SNTG2: variants seen among roughly 807,000 people sequenced by gnomAD.
The protein encoded by SNTG2 is gamma-2-syntrophin.
Under a neutral mutation model 70.9 loss-of-function variants are expected in SNTG2, and 74 were observed. That is an observed-to-expected ratio of 1.04 (90% CI 0.86 to 1.27). The LOEUF (loss-of-function observed/expected upper bound fraction) is 1.27. Ranked by LOEUF, SNTG2 falls within the 50% of genes most tolerant of loss-of-function variation. The pLI is 0.00. For synonymous variants in SNTG2, 278 were observed against 273.8 expected (o/e 1.02, Z -0.15); for missense variants, 717 against 690.7 (o/e 1.04, Z -0.43).
chr2:960,885 C>T (rs1473242514), intron 1 of SNTG2, among the ~76,000 whole-genome samples: 2 of 152,206 alleles, frequency 1.3e-5, no homozygotes, highest in Non-Finnish European at 1.5e-5. Context: ...CTACTGCCTG[C>T]TCATGGTCTT....
At chr2:1,126,555 A>G (rs992510741) in intron 4 of SNTG2, among the ~76,000 whole-genome samples, 2 of 152,188 alleles carry the variant, frequency 1.3e-5, no homozygotes, top group African/African-American at 4.8e-5. Flanking sequence ...GAGAAAGCCC[A>G]TATTTTTCAT....
chr2:1,188,180 G>A (rs1672362310), intron 8 of SNTG2, among the ~76,000 whole-genome samples: 1 of 152,194 alleles, frequency 6.6e-6, no homozygotes. Flanking sequence ...AGTACATTCT[G>A]AAGTGCTCAT....
At chr2:1,163,407 G>A (rs913814529) in intron 6 of SNTG2, 1 of 151,498 alleles carries the variant, frequency 6.6e-6, no homozygotes, top group Admixed American at 6.6e-5. Flanking sequence ...TAGGAAGCGG[G>A]CCTGTGAAGC....
At chr2:1,045,289 CTTAT>C (rs757450207) in intron 1 of SNTG2, among the ~76,000 whole-genome samples, 12 of 151,510 alleles carry the variant, frequency 7.9e-5, no homozygotes, top group Non-Finnish European at 1.3e-4. Context: ...CTCTTACTTC[CTTAT>C]TTGTCTATCT....
intron 14 of SNTG2, among the ~76,000 whole-genome samples, chr2:1,290,892 T>A (rs1012442047): frequency 6.6e-6 from 1 of 152,238 alleles, no homozygotes; most frequent in Non-Finnish European, 1.5e-5. Context: ...GGCAGTTCAA[T>A]TTTTAAATTA....
At chr2:1,100,964 C>T (rs1665748769) in intron 4 of SNTG2, among the ~76,000 whole-genome samples, 1 of 152,140 alleles carries the variant, frequency 6.6e-6, no homozygotes, top group South Asian at 2.1e-4. Context: ...GTGTGCCCTC[C>T]CGAGCCTCAT....
At chr2:1,219,670 TAGAA>T (rs1674623299) in intron 9 of SNTG2, among the ~76,000 whole-genome samples, 1 of 124,442 alleles carries the variant, frequency 8.0e-6, no homozygotes, top group South Asian at 2.4e-4. Context: ...TTCTAAAACA[TAGAA>T]GGAAAGAAAG....
chr2:963,264 T>C (rs1312015703), intron 1 of SNTG2, among the ~76,000 whole-genome samples: 1 of 151,956 alleles, frequency 6.6e-6, no homozygotes, highest in African/African-American at 2.4e-5. Context: ...ACGTAAAAAT[T>C]GAAATGGAAT....
chr2:1,224,840 A>G (rs1348556073), intron 9 of SNTG2, among the ~76,000 whole-genome samples: 12 of 152,214 alleles, frequency 7.9e-5, no homozygotes, highest in South Asian at 2.1e-4. Flanking sequence ...CCCAGGAGAA[A>G]GAATGGAAGC....
At chr2:1,243,578 A>G (rs1185965862) in intron 11 of SNTG2, among the ~76,000 whole-genome samples, 6 of 152,214 alleles carry the variant, frequency 3.9e-5, no homozygotes, top group Admixed American at 3.3e-4. Flanking sequence ...TCTACCTGTA[A>G]TGTAAATCAA....
intron 8 of SNTG2, among the ~76,000 whole-genome samples, chr2:1,201,569 G>A (rs1487452856): frequency 6.6e-6 from 1 of 151,486 alleles, no homozygotes; most frequent in Non-Finnish European, 1.5e-5. Flanking sequence ...GGCTTATGGA[G>A]GAATATGCAT....
intron 9 of SNTG2, among the ~76,000 whole-genome samples, chr2:1,222,518 C>A (rs1675353043): frequency 7.8e-6 from 1 of 127,704 alleles, no homozygotes; most frequent in Non-Finnish European, 1.7e-5. Context: ...GTCTCCCTGT[C>A]CTGCCTGCTG....
intron 13 of SNTG2, among the ~76,000 whole-genome samples, chr2:1,259,934 C>T (rs981076597): frequency 1.3e-5 from 2 of 152,202 alleles, no homozygotes; most frequent in Non-Finnish European, 2.9e-5. Flanking sequence ...TGCAGCAGGG[C>T]CCTAGCCCAG....
At chr2:1,289,829 C>T (rs953438545) in intron 14 of SNTG2, among the ~76,000 whole-genome samples, 4 of 152,192 alleles carry the variant, frequency 2.6e-5, no homozygotes, top group African/African-American at 9.6e-5. Flanking sequence ...CACTATTCCA[C>T]TCCCCGTCTC....
intron 1 of SNTG2, among the ~76,000 whole-genome samples, chr2:1,020,079 G>A (rs916970970): frequency 1.3e-5 from 2 of 152,052 alleles, no homozygotes; most frequent in Admixed American, 1.3e-4. Flanking sequence ...AAACACTATG[G>A]GCCACTGACA....
At chr2:957,216 G>A (rs904392392) in intron 1 of SNTG2, among the ~76,000 whole-genome samples, 2 of 152,092 alleles carry the variant, frequency 1.3e-5, no homozygotes, top group African/African-American at 4.8e-5. Flanking sequence ...AGAAATCCAA[G>A]TCTGGTTTTA....
chr2:1,028,263 C>T (rs1379473709), intron 1 of SNTG2, among the ~76,000 whole-genome samples: 3 of 146,308 alleles, frequency 2.1e-5, no homozygotes. Context: ...CAGACACTAC[C>T]CAGTAAGTAA....
chr2:1,153,556 A>G (rs1669660541), intron 6 of SNTG2, among the ~76,000 whole-genome samples: 1 of 152,228 alleles, frequency 6.6e-6, no homozygotes, highest in Non-Finnish European at 1.5e-5. Flanking sequence ...AGGGATGGTG[A>G]TTCCACAAAG....
At chr2:1,222,512 C>T (rs1007517365) in intron 9 of SNTG2, among the ~76,000 whole-genome samples, 26 of 137,704 alleles carry the variant, frequency 1.9e-4, no homozygotes, top group African/African-American at 6.8e-4. Context: ...GAGGGCGTCT[C>T]CCTGTCCTGC....
Sources: allele counts gnomAD v4.1 joint callset (sites outside exome capture counted in the v4.1 genomes callset), GRCh38; gene constraint gnomAD v4.1.1; transcripts MANE v1.5; gene names NCBI Gene and HGNC (gene_info 2026-07-23, HGNC 2026-07-21).